The following FMN1 variants were observed in gnomAD, a reference collection of about 807,000 sequenced individuals.
FMN1 encodes formin 1, also known as formin-1.
FMN1 carries 110 observed loss-of-function variants against 132.4 expected under a neutral mutation model. That is an observed-to-expected ratio of 0.83 (90% CI 0.71 to 0.97). The LOEUF is 0.97. FMN1 is among the 50% of genes least tolerant of loss of function. The pLI is 0.00. For synonymous variants in FMN1, 722 were observed against 651.7 expected (o/e 1.11, Z -1.64); for missense variants, 1,792 against 1,705.3 (o/e 1.05, Z -0.90).
At chr15:32,849,155 T>A (rs927233856) in intron 17 of FMN1, among the ~76,000 whole-genome samples, 7 of 150,180 alleles carry the variant, frequency 4.7e-5, no homozygotes, top group African/African-American at 1.5e-4. Flanking sequence ...AGCTAATTTT[T>A]TTTTTTTTTG....
At chr15:32,966,592 A>C (rs1368562280) in intron 8 of FMN1, among the ~76,000 whole-genome samples, 1 of 152,196 alleles carries the variant, frequency 6.6e-6, no homozygotes, top group African/African-American at 2.4e-5. Context: ...TTATTCTAGA[A>C]ATCACGAAAG....
At chr15:33,116,399 C>T (rs574870973) in intron 4 of FMN1, among the ~76,000 whole-genome samples, 3 of 152,284 alleles carry the variant, frequency 2.0e-5, no homozygotes, top group African/African-American at 7.2e-5. Flanking sequence ...TCAAATAAGG[C>T]AAACGCCCAG....
At chr15:32,929,530 G>C (rs545649489) in intron 9 of FMN1, among the ~76,000 whole-genome samples, 2 of 152,088 alleles carry the variant, frequency 1.3e-5, no homozygotes, top group African/African-American at 4.8e-5. Flanking sequence ...CAGATTTCTA[G>C]AACTTTTTCA....
At chr15:33,067,576 TTC>T (rs1410429524) in intron 5 of FMN1, 4 of 1,613,990 alleles carry the variant, frequency 2.5e-6, no homozygotes, top group African/African-American at 1.3e-5. Context: ...TTCCCTCTGA[TTC>T]TGTCTCCACG....
chr15:32,799,834 A>T (rs867426263), intron 18 of FMN1, among the ~76,000 whole-genome samples: 2 of 152,146 alleles, frequency 1.3e-5, no homozygotes, highest in Non-Finnish European at 2.9e-5. Flanking sequence ...ACCTACCCCA[A>T]GCCTCACAAG....
At chr15:32,987,013 A>C (rs1256732025) in intron 7 of FMN1, among the ~76,000 whole-genome samples, 1 of 152,186 alleles carries the variant, frequency 6.6e-6, no homozygotes, top group Non-Finnish European at 1.5e-5. Context: ...CAAACTTGAA[A>C]TGTCACTTCA....
rs1273597317 is a variant in FMN1 at position 33,186,491 on chromosome 15, A to G, written c.-196-6229T>C. 3.5e-5 allele frequency among the ~76,000 whole-genome samples: 3 copies of G among 86,810 alleles called. No homozygotes were observed. In the East Asian group the frequency reaches 5.9e-4, roughly 17 times the overall value. 57.0% of individuals were successfully genotyped at this position (86,810 alleles called of 152,430 possible). On this transcript the variant is annotated intron_variant, in intron 2 of 20. Transcript: ENST00000616417. ...TGCTGACAGTTTTAAATGTTCCTCAAAAAAAAAAATAAATAAAAGTGAAAG... is the reference window on the plus strand; with the variant it reads ...TGCTGACAGTTTTAAATGTTCCTCAGAAAAAAAAATAAATAAAAGTGAAAG...
chr15:32,988,665 C>G lies in FMN1; in HGVS notation c.2224-19188G>C, dbSNP rs2033236613. Among the ~76,000 whole-genome samples the G allele has an allele frequency of 1.3e-5, 2 of 152,200 alleles. 1 individual carries two copies. The highest frequency in any genetic ancestry group is 4.1e-4 in the South Asian group (2 of 4,836). On this transcript the variant is annotated intron_variant, in intron 7 of 20. Transcript: ENST00000616417. ...TTTCCTGCCTGCGTGGTCTTGAGCCCTCTTGTTGCTAACTAGAAGTAACCA... is the reference window on the plus strand; with the variant it reads ...TTTCCTGCCTGCGTGGTCTTGAGCCGTCTTGTTGCTAACTAGAAGTAACCA...
intron 12 of FMN1, among the ~76,000 whole-genome samples, chr15:32,905,666 C>T (rs2060407071): frequency 6.6e-6 from 1 of 152,212 alleles, no homozygotes; most frequent in African/African-American, 2.4e-5. Flanking sequence ...AGGCCAGCCT[C>T]TCCATGCTCT....
At chr15:33,165,539 C>T (rs7166564) in intron 3 of FMN1, among the ~76,000 whole-genome samples, 63,433 of 151,896 alleles carry the variant, frequency 0.42, 14,204 homozygotes, top group African/African-American at 0.58. Flanking sequence ...TACAGGCGCC[C>T]GCCACCACGC....
rs566534063 is a variant in FMN1, at chr15:32,860,247, AGAAG to A, written c.3836-3144_3836-3141del. ...AGGTAGGAAGGGAGGGAGGAAGGAA[AGAAG>A]GAAGGAAGGGGAAAGGAAAGAAAGA... On this transcript the variant is annotated intron_variant, in intron 16 of 20. Coordinates refer to ENST00000616417, the MANE Select transcript of FMN1 (RefSeq NM_001277313.2). 2.7e-3 allele frequency among the ~76,000 whole-genome samples: 417 copies of A among 151,846 alleles called. 4 individuals carry two copies. The highest frequency in any genetic ancestry group is 5.7e-3 in the South Asian group (27 of 4,776).
chr15:32,930,116 A>C (rs1180493469), intron 9 of FMN1, among the ~76,000 whole-genome samples: 1 of 149,204 alleles, frequency 6.7e-6, no homozygotes. Context: ...CAGCCTCCCA[A>C]GTAGCTGGGA....
intron 17 of FMN1, among the ~76,000 whole-genome samples, chr15:32,852,332 G>A (rs1364704726): frequency 6.6e-6 from 1 of 152,158 alleles, no homozygotes; most frequent in African/African-American, 2.4e-5. Flanking sequence ...GCCTAAAACA[G>A]CCCTTTACTG....
At chr15:32,802,964 T>C (rs1160035399) in intron 18 of FMN1, among the ~76,000 whole-genome samples, 2 of 152,224 alleles carry the variant, frequency 1.3e-5, no homozygotes, top group African/African-American at 2.4e-5. Flanking sequence ...TGTCTGTACT[T>C]AGCAAAGTGC....
chr15:32,946,024 C>T (rs2061503128), intron 9 of FMN1, among the ~76,000 whole-genome samples: 1 of 152,164 alleles, frequency 6.6e-6, no homozygotes, highest in Non-Finnish European at 1.5e-5. Context: ...ATATTGCTTC[C>T]AACAGGTTCA....
Position 32,943,456 on chromosome 15 carries a change from T to C in FMN1, c.3139-17195A>G, listed in dbSNP as rs552337288. On this transcript the variant is annotated intron_variant, in intron 9 of 20. Transcript: ENST00000616417. The stretch of plus-strand genomic sequence containing the variant: ...CATTAAGAGGCTGGTTGGTAAAAAG[T>C]AGATATGCTACTGATGACAAGTCAG... 5.9e-5 allele frequency among the ~76,000 whole-genome samples: 9 copies of C among 152,332 alleles called. No individual in the cohort carries two copies. In the South Asian group the frequency reaches 1.7e-3, roughly 28 times the overall value.
intron 6 of FMN1, among the ~76,000 whole-genome samples, chr15:33,036,379 G>A (rs1315856171): frequency 2.0e-5 from 3 of 152,082 alleles, no homozygotes; most frequent in African/African-American, 4.8e-5. Flanking sequence ...TTCCATGTAG[G>A]AATACCATGC....
At chr15:32,967,893 T>C (rs1425914733) in intron 8 of FMN1, among the ~76,000 whole-genome samples, 1 of 152,234 alleles carries the variant, frequency 6.6e-6, no homozygotes, top group Non-Finnish European at 1.5e-5. Flanking sequence ...TTGCTGTCCT[T>C]TACAAACAAA....
At chr15:33,010,648 A>G (rs1308137411) in intron 6 of FMN1, among the ~76,000 whole-genome samples, 1 of 152,176 alleles carries the variant, frequency 6.6e-6, no homozygotes, top group East Asian at 1.9e-4. Flanking sequence ...AAAGGAAGGT[A>G]TTATTCTCTA....
Sources: allele counts gnomAD v4.1 joint callset (sites outside exome capture counted in the v4.1 genomes callset), GRCh38; gene constraint gnomAD v4.1.1; transcripts MANE v1.5; gene names NCBI Gene and HGNC (gene_info 2026-07-23, HGNC 2026-07-21).